The following ANKHD1 variants were observed in gnomAD, a reference collection of about 807,000 sequenced individuals.
ANKHD1 encodes the protein ankyrin repeat and KH domain containing 1.
In ANKHD1, 31 loss-of-function variants were observed where a neutral mutation model predicts 230.5. The ratio of observed to expected loss-of-function variants is 0.13; its 90% CI spans 0.10 to 0.18. The LOEUF (loss-of-function observed/expected upper bound fraction) is 0.18, where lower values mean the gene tolerates loss of function less well. Among genes scored for constraint, ANKHD1 ranks in the 10% least tolerant of loss-of-function variants. The probability of loss-of-function intolerance (pLI) is 1.00; values close to 1 mark genes in which losing one functional copy is unlikely to be tolerated. For missense variants in ANKHD1, 2,256 were observed against 3,071.3 expected, an observed-to-expected ratio of 0.73 and a Z score of 6.27; for synonymous variants, 1,074 against 1,117.6, an observed-to-expected ratio of 0.96 and a Z score of 0.78.
intron 7 of ANKHD1, among the ~76,000 whole-genome samples, chr5:140,450,695 A>C (rs963899342): frequency 6.6e-6 from 1 of 152,094 alleles, no homozygotes; most frequent in African/African-American, 2.4e-5. Context: ...GCACGTTACC[A>C]TGCCTAGCTA....
In ANKHD1 at chr5:140,458,780, A is replaced by G. The variant is rs1389019432; in HGVS notation, c.1398A>G (p.Glu466=). The part of the protein sequence containing the change: ...LLIERGANLE[E]VNDEGYTPLM... The stretch of plus-strand genomic sequence containing the variant: ...TTGAAAGGGGAGCAAATCTTGAAGA[A>G]GTTAATGATGAAGGATACACTCCCT... The change falls in exon 8 of 34, where the codon GAA becomes GAG. Residue 466 remains glutamate (E), a synonymous_variant. Transcript: ENST00000360839. 6.2e-7 allele frequency: 1 copy of G among 1,613,264 alleles called. No homozygotes were observed. Among genetic ancestry groups the G allele is most frequent in the Non-Finnish European group, 8.5e-7 (1 of 1,179,746 alleles).
At chr5:140,444,999 GGT>G in intron 5 of ANKHD1, among the ~76,000 whole-genome samples, 1 of 152,080 alleles carries the variant, frequency 6.6e-6, no homozygotes, top group African/African-American at 2.4e-5. Context: ...GGACTACAGG[GGT>G]ATGCCACCAT....
Position 140,532,595 on chromosome 5 carries a change from C to T in ANKHD1, c.6851-2767C>T, listed in dbSNP as rs762769216. ...AGGATTGCGGGTGTGAGCCACCATG[C>T]CCAGCTTCAGAGTTTCTTTTTAGGA... On this transcript the variant is annotated intron_variant, in intron 29 of 33. Transcript: ENST00000360839. 4.6e-5 allele frequency among the ~76,000 whole-genome samples: 7 copies of T among 152,188 alleles called. No individual in the cohort carries two copies. The South Asian group carries it at 1.0e-3, about 23-fold the overall frequency.
intron 9 of ANKHD1, among the ~76,000 whole-genome samples, chr5:140,464,288 G>A (rs1775933309): frequency 6.7e-6 from 1 of 150,260 alleles, no homozygotes; most frequent in Admixed American, 6.6e-5. Flanking sequence ...CAAAATTTCT[G>A]TTCTCACGAA....
intron 7 of ANKHD1, among the ~76,000 whole-genome samples, chr5:140,454,423 C>T (rs1775000729): frequency 6.6e-6 from 1 of 152,180 alleles, no homozygotes; most frequent in Non-Finnish European, 1.5e-5. Context: ...TTCTCAGCAC[C>T]ACATCACACT....
At chr5:140,410,134 T>A (rs564335182) in intron 1 of ANKHD1, among the ~76,000 whole-genome samples, 2 of 152,242 alleles carry the variant, frequency 1.3e-5, no homozygotes, top group South Asian at 4.1e-4. Flanking sequence ...CTCACCCTGC[T>A]CCCACATATC....
chr5:140,512,759 CT>C, intron 22 of ANKHD1, 68 bp from the exon 23 acceptor site: 5 of 1,402,092 alleles, frequency 3.6e-6, no homozygotes, highest in Non-Finnish European at 4.8e-6. Flanking sequence ...GTTTTACTTT[CT>C]TTTATTCTTA....
At chr5:140,419,774 T>TTTTCTTTCTTTC (rs199550424) in intron 1 of ANKHD1, among the ~76,000 whole-genome samples, 36 of 86,938 alleles carry the variant, frequency 4.1e-4, no homozygotes, top group East Asian at 1.9e-3. Context: ...TTTCCTTTCT[T>TTTTCTTTCTTTC]TTTCTTTCTT....
intron 3 of ANKHD1, among the ~76,000 whole-genome samples, chr5:140,438,847 A>C (rs1012524063): frequency 6.6e-6 from 1 of 152,242 alleles, no homozygotes; most frequent in Non-Finnish European, 1.5e-5. Flanking sequence ...AATGTATTAC[A>C]CTAGAGTCTC....
At chr5:140,464,816 T>G in intron 10 of ANKHD1, 40 bp downstream of exon 10, 1 of 1,555,256 alleles carries the variant, frequency 6.4e-7, no homozygotes, top group Non-Finnish European at 8.8e-7. Flanking sequence ...GCGTTAATGT[T>G]AATATCCATT....
In ANKHD1 at chr5:140,528,408, C is replaced by T. The variant is rs776994725; in HGVS notation, c.5462C>T (p.Thr1821Met). 8.1e-6 allele frequency: 13 copies of T among 1,614,024 alleles called. No individual in the cohort carries two copies. The highest frequency in any genetic ancestry group is 8.0e-5 in the African/African-American group (6 of 74,910). The change falls in exon 29 of 34, where the codon ACG becomes ATG. Residue 1821 changes from threonine (T) to methionine (M), a missense_variant. Thr to Met is a moderately conservative substitution (Grantham distance 81). This residue lies in a region of ANKHD1 where 778 missense variants were observed against 966.5 expected (regional missense o/e 0.80). Coordinates refer to ENST00000360839, the MANE Select transcript of ANKHD1 (RefSeq NM_017747.3). Reference sequence around the variant, plus strand: ...ACTCTTGTAACTTCACAGGCAACAACGTTATCTACGTTCCAGCCCGCTAAT... The same window carrying T: ...ACTCTTGTAACTTCACAGGCAACAATGTTATCTACGTTCCAGCCCGCTAAT... ...APTLVTSQAT[T>M]LSTFQPANKL...
intron 29 of ANKHD1, among the ~76,000 whole-genome samples, chr5:140,533,602 A>G (rs1753936028): frequency 6.6e-6 from 1 of 151,854 alleles, no homozygotes; most frequent in African/African-American, 2.4e-5. Context: ...CCCTCTCAAG[A>G]AAAATAAATA....
At chr5:140,423,935 A>G (rs1197824301) in intron 1 of ANKHD1, among the ~76,000 whole-genome samples, 3 of 152,134 alleles carry the variant, frequency 2.0e-5, no homozygotes, top group Non-Finnish European at 2.9e-5. Context: ...CTCTTCCATT[A>G]GCTCTCTCTC....
At position 140,527,019 on chromosome 5, in the gene ANKHD1, A is replaced by G. The variant is rs1180420557; in HGVS notation, c.5032A>G (p.Thr1678Ala). The change falls in exon 27 of 34, where the codon ACT becomes GCT. Residue 1678 changes from threonine to alanine, a missense_variant. By Grantham distance (58) the Thr-to-Ala change is moderately conservative (BLOSUM62 0). Around this residue, in one of 13 missense-constraint regions of ANKHD1, gnomAD observed 212 missense variants for 257.3 expected, o/e 0.82. Transcript: ENST00000360839. The surrounding 1 kb of genome is among the most constrained non-coding windows in gnomAD (Gnocchi z 4.5). ...CTCTCCAAACATAAAGCTGAATCTCACTAGCCCTAAAAGGGGTCAGAAAAG... is the reference window on the plus strand; with the variant it reads ...CTCTCCAAACATAAAGCTGAATCTCGCTAGCCCTAAAAGGGGTCAGAAAAG... Reference protein sequence around the residue: ...LSSPNIKLNLTSPKRGQKREE... With the variant: ...LSSPNIKLNLASPKRGQKREE... 1.9e-6 allele frequency: 3 copies of G among 1,613,668 alleles called. No homozygotes were observed. The highest frequency in any genetic ancestry group is 2.5e-6 in the Non-Finnish European group (3 of 1,179,856).
At chr5:140,495,286 C>T (rs1338897033) in intron 14 of ANKHD1, among the ~76,000 whole-genome samples, 4 of 142,370 alleles carry the variant, frequency 2.8e-5, no homozygotes, top group South Asian at 4.4e-4. Flanking sequence ...GTCTCGCTCT[C>T]TCAGGCTGGA....
At chr5:140,431,925 C>G (rs1490148871) in intron 1 of ANKHD1, among the ~76,000 whole-genome samples, 3 of 152,140 alleles carry the variant, frequency 2.0e-5, no homozygotes, top group Admixed American at 6.5e-5. Context: ...TATTGACACC[C>G]AGGAAGTCAC....
chr5:140,407,233 C>T (rs566217477), intron 1 of ANKHD1, among the ~76,000 whole-genome samples: 63 of 143,270 alleles, frequency 4.4e-4, no homozygotes, highest in African/African-American at 1.5e-3. Flanking sequence ...AGGCAGAAGT[C>T]GCAGTGAGCT....
Position 140,529,045 on chromosome 5 carries a change from A to G in ANKHD1, c.6099A>G (p.Thr2033=), listed in dbSNP as rs1437807395. Residue 2033 remains threonine, a synonymous_variant, in exon 29 of 34, where the codon ACA becomes ACG. Coordinates refer to ENST00000360839, the MANE Select transcript of ANKHD1 (RefSeq NM_017747.3). The part of the protein sequence containing the change: ...AVPPTKEKVS[T]QDQPMANLCT... ...CACCCACCAAAGAGAAAGTGTCCACACAGGACCAGCCCATGGCAAACCTAT... is the reference window on the plus strand; with the variant it reads ...CACCCACCAAAGAGAAAGTGTCCACGCAGGACCAGCCCATGGCAAACCTAT... 1 of 1,614,076 alleles carries G rather than the reference A, an allele frequency of 6.2e-7. No individual in the cohort carries two copies. The highest frequency in any genetic ancestry group is 2.2e-5 in the East Asian group (1 of 44,892).
intron 29 of ANKHD1, among the ~76,000 whole-genome samples, chr5:140,530,141 G>A (rs949045065): frequency 1.3e-5 from 2 of 151,802 alleles, no homozygotes; most frequent in African/African-American, 4.8e-5. Flanking sequence ...AATTTACATT[G>A]TTTAATAGTA....
Sources: allele counts gnomAD v4.1 joint callset (sites outside exome capture counted in the v4.1 genomes callset), GRCh38; gene constraint gnomAD v4.1.1; regional missense constraint gnomAD v4.1.1; non-coding constraint Gnocchi (gnomAD v3.1); transcripts MANE v1.5; gene names NCBI Gene and HGNC (gene_info 2026-07-23, HGNC 2026-07-21).